The following DOCK1 variants were observed in gnomAD, a reference collection of about 807,000 sequenced individuals.
DOCK1 encodes dedicator of cytokinesis protein 1.
In DOCK1, 138 loss-of-function variants were observed where a neutral mutation model predicts 262.7. The ratio of observed to expected loss-of-function variants is 0.53; its 90% CI spans 0.46 to 0.61. The LOEUF is 0.61. DOCK1 is among the 20% of genes least tolerant of loss of function. The probability of loss-of-function intolerance (pLI) is 0.00; values close to 1 mark genes in which losing one functional copy is unlikely to be tolerated. For synonymous variants in DOCK1, 866 were observed against 867.4 expected, an observed-to-expected ratio of 1.00 and a Z score of 0.03; for missense variants, 1,908 against 2,370.7, an observed-to-expected ratio of 0.80 and a Z score of 4.05.
At chr10:127,340,995 T>C (rs2063400880) in intron 30 of DOCK1, among the ~76,000 whole-genome samples, 1 of 152,232 alleles carries the variant, frequency 6.6e-6, no homozygotes, top group South Asian at 2.1e-4. Context: ...TCTGGTTTCA[T>C]GTTTTACTTG....
chr10:127,413,414 G>C (rs964972112), intron 43 of DOCK1, among the ~76,000 whole-genome samples: 5 of 152,212 alleles, frequency 3.3e-5, no homozygotes, highest in Non-Finnish European at 7.3e-5. Context: ...CAAAGCCTTA[G>C]ATAAGTGCAA....
At chr10:127,043,192 A>G (rs1026913258) in intron 21 of DOCK1, 28 bp downstream of exon 21, 2 of 1,524,014 alleles carry the variant, frequency 1.3e-6, no homozygotes, top group African/African-American at 1.4e-5. Context: ...TTTAAAACCA[A>G]TACTTCTTTT....
rs548478217 is a variant in DOCK1, at chr10:127,108,202, G to A, written c.2516+1901G>A. Among the ~76,000 whole-genome samples, 224 of 152,358 alleles carry A rather than the reference G, an allele frequency of 1.5e-3. 2 individuals are homozygous for A. The highest frequency in any genetic ancestry group is 4.7e-3 in the African/African-American group (197 of 41,576). On this transcript the variant is annotated intron_variant, in intron 24 of 51. Coordinates refer to ENST00000623213, the MANE Select transcript of DOCK1 (RefSeq NM_001290223.2). ...GTTTTAATAAACAGAAGAGATGACA[G>A]AAGAGGGTAACTCAAACTTAAGTCC... is the stretch of plus-strand genomic sequence containing the variant.
intron 4 of DOCK1, among the ~76,000 whole-genome samples, chr10:126,984,974 CTTTTTTTTTTT>C (rs553086410): frequency 4.7e-5 from 4 of 85,128 alleles, no homozygotes; most frequent in African/African-American, 9.7e-5. Context: ...ATGTCCCATT[CTTTTTTTTTTT>C]TTTTTTTTTT....
rs765575115 is a variant in DOCK1 at position 126,996,823 on chromosome 10, T to C, written c.549T>C (p.Ser183=). The C allele has an allele frequency of 2.2e-5, 36 of 1,612,804 alleles. No homozygotes were observed. Among genetic ancestry groups the C allele is most frequent in the Non-Finnish European group, 2.8e-5 (33 of 1,179,550 alleles). ...ATCCAGAATTAACTAGCACGATTAG[T>C]CTCTTCAGAGCTCATGAAATAGCTT... ...ILDPELTSTI[S]LFRAHEIASK... is the part of the protein sequence containing the mutation. Residue 183 remains serine (S), a synonymous_variant, in exon 7 of 52, where the codon AGT becomes AGC. Coordinates refer to ENST00000623213, the MANE Select transcript of DOCK1 (RefSeq NM_001290223.2).
rs115747145 is a variant in DOCK1, at chr10:127,070,145, G to A, written c.2445+8369G>A. On this transcript the variant is annotated intron_variant, in intron 23 of 51. Coordinates refer to ENST00000623213, the MANE Select transcript of DOCK1 (RefSeq NM_001290223.2). ...CTTCTTATGAGGTTGTTAAATTCAG[G>A]GCCAACTCTACTGTGGCGTGGCCTC... is the stretch of plus-strand genomic sequence containing the variant. Among the ~76,000 whole-genome samples, 580 of 151,962 alleles carry A rather than the reference G, an allele frequency of 3.8e-3. 1 individual carries two copies. Among genetic ancestry groups the A allele is most frequent in the African/African-American group, 0.013 (547 of 41,456 alleles).
chr10:126,912,234 G>A (rs546507068), intron 1 of DOCK1, among the ~76,000 whole-genome samples: 106 of 152,142 alleles, frequency 7.0e-4, no homozygotes, highest in African/African-American at 2.1e-3. Flanking sequence ...TTAGAGACCA[G>A]CCTGGCCAAT....
chr10:127,087,348 C>G (rs2047256836), intron 23 of DOCK1, among the ~76,000 whole-genome samples: 1 of 152,152 alleles, frequency 6.6e-6, no homozygotes, highest in Non-Finnish European at 1.5e-5. Flanking sequence ...AGATGGCTCA[C>G]TGTTTTATGA....
At position 126,996,881 on chromosome 10, in the gene DOCK1, A is replaced by G. The variant is rs1591580246; in HGVS notation, c.607A>G (p.Lys203Glu). The G allele has an allele frequency of 4.4e-6, 7 of 1,595,282 alleles. No homozygotes were observed. The highest frequency in any genetic ancestry group is 6.0e-6 in the Non-Finnish European group (7 of 1,173,638). ...AGTGGAGGAAAGGTTACAAGAGGAA[A>G]AAGTAAGTTTGACTCTGTCATATGC... ...KQVEERLQEEKSQKQNIDINR... is the reference protein window; with the variant it reads ...KQVEERLQEEESQKQNIDINR... Residue 203 changes from lysine to glutamate, a missense_variant and splice_region_variant, in exon 7 of 52, where the codon AAA becomes GAA. Lys to Glu is a moderately conservative substitution (Grantham distance 56). Coordinates refer to ENST00000623213, the MANE Select transcript of DOCK1 (RefSeq NM_001290223.2).
At chr10:127,198,476 G>T (rs574159516) in intron 27 of DOCK1, among the ~76,000 whole-genome samples, 1 of 152,340 alleles carries the variant, frequency 6.6e-6, no homozygotes, top group African/African-American at 2.4e-5. Flanking sequence ...CAACATAAAT[G>T]CATGCCCAGC....
chr10:127,299,831 G>C (rs2135422414), intron 29 of DOCK1, among the ~76,000 whole-genome samples: 1 of 152,288 alleles, frequency 6.6e-6, no homozygotes, highest in South Asian at 2.1e-4. Flanking sequence ...GTTCAACCAA[G>C]CTGTTGGAGC....
At chr10:127,161,758 C>G (rs1470154633) in intron 27 of DOCK1, among the ~76,000 whole-genome samples, 1 of 152,188 alleles carries the variant, frequency 6.6e-6, no homozygotes, top group Non-Finnish European at 1.5e-5. Context: ...ACCTGTCTTG[C>G]CATGTTGTCA....
At chr10:127,425,376 C>T (rs971518538) in intron 46 of DOCK1, among the ~76,000 whole-genome samples, 12 of 152,154 alleles carry the variant, frequency 7.9e-5, no homozygotes, top group African/African-American at 2.9e-4. Context: ...AGCAGTGTCG[C>T]AGAGAAGCGA....
intron 22 of DOCK1, among the ~76,000 whole-genome samples, chr10:127,057,721 G>C (rs953460826): frequency 3.3e-5 from 5 of 152,188 alleles, no homozygotes; most frequent in African/African-American, 1.2e-4. Flanking sequence ...ACTAAATCTA[G>C]TTATTGCCTG....
chr10:127,060,016 G>A (rs1461330224), intron 22 of DOCK1, among the ~76,000 whole-genome samples: 2 of 152,262 alleles, frequency 1.3e-5, no homozygotes, highest in East Asian at 1.9e-4. Context: ...TGGACCTTTA[G>A]TATGCCTCAG....
intron 46 of DOCK1, among the ~76,000 whole-genome samples, chr10:127,424,981 C>T (rs1328074321): frequency 6.6e-6 from 1 of 152,184 alleles, no homozygotes; most frequent in Non-Finnish European, 1.5e-5. Flanking sequence ...GTTGATTCAT[C>T]TTGATAAGAT....
Position 127,052,385 on chromosome 10 carries a change from G to A in DOCK1, c.2202-296G>A, listed in dbSNP as rs541357700. Among the ~76,000 whole-genome samples, 587 of 152,276 alleles carry A rather than the reference G, an allele frequency of 3.9e-3. 1 individual carries two copies. Among genetic ancestry groups the A allele is most frequent in the Middle Eastern group, 0.014 (4 of 294 alleles). On this transcript the variant is annotated intron_variant, in intron 21 of 51. Transcript: ENST00000623213. ...CTAAAATACAAAAAATTAGCTGGGC[G>A]AGGCGGCGTGTGCCTATAATTCCAA...
At chr10:127,285,661 T>C (rs374777865) in intron 29 of DOCK1, among the ~76,000 whole-genome samples, 3 of 152,326 alleles carry the variant, frequency 2.0e-5, no homozygotes, top group East Asian at 3.9e-4. Context: ...GGAGTGGTCA[T>C]GTGGAAGGTG....
chr10:127,019,478 G>A (rs1468904574), intron 13 of DOCK1, among the ~76,000 whole-genome samples: 2 of 152,200 alleles, frequency 1.3e-5, no homozygotes, highest in East Asian at 1.9e-4. Context: ...GCAGGGCGTA[G>A]TGGCTCATGC....
Sources: gnomAD v4.1 joint callset for allele counts (sites outside exome capture counted in the v4.1 genomes callset) on GRCh38, gnomAD v4.1.1 for gene constraint, MANE v1.5 for transcripts, NCBI Gene and HGNC (gene_info 2026-07-23, HGNC 2026-07-21) for gene names.